Variants in INTS14 observed in about 807,000 individuals in gnomAD.
INTS14 encodes UPF0464 protein C15orf44.
In INTS14, 27 loss-of-function variants were observed where a neutral mutation model predicts 56.9. The observed-to-expected ratio is 0.47, with a 90% CI of 0.35 to 0.65. The LOEUF is 0.65. Ranked by LOEUF, INTS14 falls within the 30% of genes least tolerant of loss-of-function variation. The pLI, the probability that INTS14 is intolerant of heterozygous loss-of-function variation, is 0.00. For synonymous variants in INTS14, 207 were observed against 236.2 expected, an observed-to-expected ratio of 0.88 and a Z score of 1.13; for missense variants, 517 against 632.2, an observed-to-expected ratio of 0.82 and a Z score of 1.95.
At chr15:65,597,704 G>A (rs2073266112) in intron 6 of INTS14, among the ~76,000 whole-genome samples, 1 of 152,142 alleles carries the variant, frequency 6.6e-6, no homozygotes, top group Non-Finnish European at 1.5e-5. Context: ...CATATCAAGA[G>A]TCATACTGCA....
intron 6 of INTS14, 37 bp from the exon 7 acceptor site, chr15:65,595,862 T>G: frequency 1.4e-6 from 2 of 1,475,660 alleles, no homozygotes; most frequent in Non-Finnish European, 1.9e-6. Flanking sequence ...TAATTCATTC[T>G]ATGGAAAAGT....
At position 65,605,242 on chromosome 15, in the gene INTS14, T is replaced by G; in HGVS notation, c.223-6A>C. The G allele has an allele frequency of 6.2e-7, 1 of 1,602,280 alleles. No homozygotes were observed. The highest frequency in any genetic ancestry group is 8.5e-7 in the Non-Finnish European group (1 of 1,169,858). On this transcript the variant is annotated splice_polypyrimidine_tract_variant and splice_region_variant and intron_variant, in intron 2 of 11. Coordinates refer to ENST00000313182, the MANE Select transcript of INTS14 (RefSeq NM_001394796.1). Reference sequence around the variant, plus strand: ...TCCATATTACTTAGTGCTTCCTTATTGAATAAAAGATAAAATTGCTAGTTA... The same window carrying G: ...TCCATATTACTTAGTGCTTCCTTATGGAATAAAAGATAAAATTGCTAGTTA...
At chr15:65,608,214 A>G (rs2073724600) in intron 1 of INTS14, among the ~76,000 whole-genome samples, 1 of 152,056 alleles carries the variant, frequency 6.6e-6, no homozygotes, top group Non-Finnish European at 1.5e-5. Flanking sequence ...TGTCTCTACT[A>G]AAAATACAAA....
At chr15:65,598,775 G>T in intron 5 of INTS14, 97 bp downstream of exon 5, 1 of 1,018,992 alleles carries the variant, frequency 9.8e-7, no homozygotes, top group South Asian at 1.7e-5. Context: ...AAAATGAAAT[G>T]ACACAATTAG....
intron 6 of INTS14, among the ~76,000 whole-genome samples, chr15:65,597,720 T>C (rs939946612): frequency 2.0e-5 from 3 of 152,228 alleles, no homozygotes; most frequent in Non-Finnish European, 4.4e-5. Context: ...CTGCAAAGTA[T>C]AGAAGCTAGC....
chr15:65,610,754 A>G, intron 1 of INTS14: 2 of 1,535,708 alleles, frequency 1.3e-6, no homozygotes, highest in African/African-American at 1.4e-5. Flanking sequence ...TTCATCTCTA[A>G]AAGTCCAGAC....
intron 9 of INTS14, 49 bp from the exon 10 acceptor site, chr15:65,584,937 G>C: frequency 6.8e-7 from 1 of 1,475,370 alleles, no homozygotes; most frequent in Non-Finnish European, 9.3e-7. Context: ...AACACAATCA[G>C]TTACATTTCC....
chr15:65,605,390 C>A (rs970792166), intron 2 of INTS14, among the ~76,000 whole-genome samples, 154 bp from the exon 3 acceptor site: 1 of 152,200 alleles, frequency 6.6e-6, no homozygotes, highest in Non-Finnish European at 1.5e-5. Flanking sequence ...AATGCTAGAA[C>A]AGACTTCTTC....
Position 65,605,142 on chromosome 15 carries a change from G to T in INTS14, c.317C>A (p.Ala106Glu). The change falls in exon 3 of 12, where the codon GCA becomes GAA. Residue 106 changes from alanine (A) to glutamate (E), a missense_variant. Physicochemically the swap from Ala to Glu is moderately radical, Grantham distance 107. Coordinates refer to ENST00000313182, the MANE Select transcript of INTS14 (RefSeq NM_001394796.1). The part of the protein sequence containing the change: ...CNIVQQEWGG[A>E]IPCQVVLVTD... ...ATTGATCATTACCTGGCAAGGAATT[G>T]CACCACCCCATTCTTGCTGAACGAT... The T allele has an allele frequency of 6.2e-7, 1 of 1,613,618 alleles. No individual in the cohort carries two copies. The highest frequency in any genetic ancestry group is 8.5e-7 in the Non-Finnish European group (1 of 1,179,504).
intron 9 of INTS14, among the ~76,000 whole-genome samples, chr15:65,588,651 G>C (rs1347243362): frequency 6.6e-6 from 1 of 151,314 alleles, no homozygotes. Flanking sequence ...CTGGGCGATG[G>C]AGTGAGACTC....
chr15:65,579,254 C>G lies in INTS14; in HGVS notation c.*154G>C, dbSNP rs950063104. 9.5e-7 allele frequency: 1 copy of G among 1,049,394 alleles called. No homozygotes were observed. Among genetic ancestry groups the G allele is most frequent in the Non-Finnish European group, 1.4e-6 (1 of 732,260 alleles). The allele number at this position is 1,049,394 out of a possible 1,614,324, so 65.0% of individuals were successfully genotyped here. A position where few individuals can be genotyped will look rare whatever the true frequency, so the allele number is the denominator to read the frequency against. On this transcript the variant is annotated 3_prime_UTR_variant, in exon 12 of 12. Coordinates refer to ENST00000313182, the MANE Select transcript of INTS14 (RefSeq NM_001394796.1). ...CAACCACCTTCACATCCTTCTCATA[C>G]TAGTAGAGTCATTCAAAACAGCAAG... is the stretch of plus-strand genomic sequence containing the variant.
At chr15:65,598,100 G>C (rs539659581) in intron 6 of INTS14, among the ~76,000 whole-genome samples, 10 of 152,132 alleles carry the variant, frequency 6.6e-5, no homozygotes, top group Non-Finnish European at 1.5e-4. Context: ...TCAGATTAAG[G>C]ATGCTCAATC....
In INTS14 at chr15:65,607,255, C is replaced by G; in HGVS notation, c.126G>C (p.Met42Ile). The G allele has an allele frequency of 6.2e-7, 1 of 1,614,144 alleles. No individual in the cohort carries two copies. The highest frequency in any genetic ancestry group is 8.5e-7 in the Non-Finnish European group (1 of 1,180,018). Residue 42 changes from methionine (M) to isoleucine (I), a missense_variant, in exon 2 of 12, where the codon ATG becomes ATC. Transcript: ENST00000313182. ...AHGLTMLFEH[M>I]ATNYKLEFTA... ...TAAATTCAAGCTTGTAATTTGTGGC[C>G]ATGTGCTCAAACAGCATCGTTAAAC...
chr15:65,602,878 C>T (rs1319620570), intron 3 of INTS14, among the ~76,000 whole-genome samples: 1 of 152,048 alleles, frequency 6.6e-6, no homozygotes, highest in Non-Finnish European at 1.5e-5. Context: ...TGGCCCCTTG[C>T]CCTCACGTTG....
At chr15:65,587,746 T>C (rs972048104) in intron 9 of INTS14, among the ~76,000 whole-genome samples, 1 of 151,942 alleles carries the variant, frequency 6.6e-6, no homozygotes, top group African/African-American at 2.4e-5. Flanking sequence ...TTTGGGAGGC[T>C]AAGGTGGAGG....
In INTS14 at chr15:65,584,836, C is replaced by T. The variant is rs75178492; in HGVS notation, c.1173G>A (p.Leu391=). The T allele has an allele frequency of 0.05, 81,231 of 1,613,154 alleles. 2,417 individuals carry two copies. The highest frequency in any genetic ancestry group is 0.059 in the Non-Finnish European group (69,540 of 1,179,544). Residue 391 remains leucine, a synonymous_variant, in exon 10 of 12, where the codon CTG becomes CTA. Coordinates refer to ENST00000313182, the MANE Select transcript of INTS14 (RefSeq NM_001394796.1). ...GEDDNKSPFP[L]QPKNKRSYAQ... ...CATAACTGCGTTTGTTTTTGGGCTG[C>T]AGGGGGAATGGACTCTTATTGTCAT...
At position 65,591,479 on chromosome 15, in the gene INTS14, C is replaced by T. The variant is rs1002447990; in HGVS notation, c.1120+119G>A. On this transcript the variant is annotated intron_variant, in intron 9 of 11. Coordinates refer to ENST00000313182, the MANE Select transcript of INTS14 (RefSeq NM_001394796.1). ...TTCACCGTACACATCCAGCATCATC[C>T]GAGACCATGGCATACCAGTAAGGGA... is the stretch of plus-strand genomic sequence containing the variant. The T allele has an allele frequency of 6.6e-6, 9 of 1,358,930 alleles. No homozygotes were observed. The East Asian group carries it at 7.1e-5, about 11-fold the overall frequency. 84.2% of individuals were successfully genotyped at this position (1,358,930 alleles called of 1,614,324 possible).
chr15:65,582,235 C>T (rs1008013907), intron 10 of INTS14, among the ~76,000 whole-genome samples: 5 of 152,146 alleles, frequency 3.3e-5, no homozygotes, highest in East Asian at 3.8e-4. Flanking sequence ...CTGACAGAAA[C>T]GAACTTGCCT....
intron 11 of INTS14, among the ~76,000 whole-genome samples, chr15:65,579,992 T>G (rs975669601): frequency 1.3e-5 from 2 of 152,152 alleles, no homozygotes; most frequent in Admixed American, 1.3e-4. Flanking sequence ...ACTTTTCCCC[T>G]GTTATTTAGG....
Sources: gnomAD v4.1 joint callset for allele counts (sites outside exome capture counted in the v4.1 genomes callset) on GRCh38, gnomAD v4.1.1 for gene constraint, MANE v1.5 for transcripts, NCBI Gene and HGNC (gene_info 2026-07-23, HGNC 2026-07-21) for gene names.